PPP2R2B: variants seen among roughly 807,000 people sequenced by gnomAD.
PPP2R2B encodes protein phosphatase 2 regulatory subunit Bbeta.
Under a neutral mutation model 46.0 loss-of-function variants are expected in PPP2R2B, and 5 were observed. The ratio of observed to expected loss-of-function variants is 0.11; its 90% CI spans 0.06 to 0.23. The LOEUF is 0.23. PPP2R2B is among the 10% of genes least tolerant of loss of function. The pLI is 1.00. For synonymous variants in PPP2R2B, 215 were observed against 206.7 expected (o/e 1.04, Z -0.34); for missense variants, 367 against 575.0 (o/e 0.64, Z 3.70).
intron 2 of PPP2R2B, among the ~76,000 whole-genome samples, chr5:146,826,736 C>T (rs1328038107): frequency 6.6e-6 from 1 of 151,978 alleles, no homozygotes; most frequent in African/African-American, 2.4e-5. Flanking sequence ...CATTTAAATC[C>T]TCCCCATTCT....
chr5:146,862,006 TAA>T (rs1406017893), intron 2 of PPP2R2B, among the ~76,000 whole-genome samples: 1 of 152,196 alleles, frequency 6.6e-6, no homozygotes, highest in Non-Finnish European at 1.5e-5. Context: ...GCTGAATGGT[TAA>T]AGAGTGAAAG....
chr5:146,839,154 G>A (rs996451775), intron 2 of PPP2R2B, among the ~76,000 whole-genome samples: 2 of 152,158 alleles, frequency 1.3e-5, no homozygotes, highest in Non-Finnish European at 2.9e-5. Context: ...TCGATCTTGT[G>A]GGGGAGGCAG....
At chr5:146,685,881 C>G (rs1226270396) in intron 5 of PPP2R2B, among the ~76,000 whole-genome samples, 1 of 152,152 alleles carries the variant, frequency 6.6e-6, no homozygotes, top group African/African-American at 2.4e-5. Context: ...AGCCCTCACC[C>G]CCCGCCTTCC....
At chr5:146,876,103 T>C (rs1020339128) in intron 2 of PPP2R2B, among the ~76,000 whole-genome samples, 1 of 152,244 alleles carries the variant, frequency 6.6e-6, no homozygotes, top group Non-Finnish European at 1.5e-5. Context: ...TATGTGTGTG[T>C]GTTTGAGAAA....
At chr5:146,989,017 TCATGGA>T in intron 1 of PPP2R2B, among the ~76,000 whole-genome samples, 1 of 151,888 alleles carries the variant, frequency 6.6e-6, no homozygotes, top group Non-Finnish European at 1.5e-5. Context: ...AGTAATAAAT[TCATGGA>T]CATGTACAAC....
At chr5:146,998,956 G>A (rs971554589) in intron 1 of PPP2R2B, among the ~76,000 whole-genome samples, 1 of 139,058 alleles carries the variant, frequency 7.2e-6, no homozygotes, top group African/African-American at 2.7e-5. Context: ...GGAGCTTGCA[G>A]TGAGCAGAGA....
intron 2 of PPP2R2B, among the ~76,000 whole-genome samples, chr5:146,754,120 C>T (rs1753710775): frequency 6.6e-6 from 1 of 152,154 alleles, no homozygotes; most frequent in Non-Finnish European, 1.5e-5. Flanking sequence ...GCCCCCGCCA[C>T]GTGTCAGATG....
At chr5:146,605,609 G>A (rs1158103826) in intron 7 of PPP2R2B, among the ~76,000 whole-genome samples, 1 of 152,162 alleles carries the variant, frequency 6.6e-6, no homozygotes, top group Non-Finnish European at 1.5e-5. Flanking sequence ...GATCTGCCCT[G>A]CTGACTCCAT....
At position 146,583,126 on chromosome 5, in the gene PPP2R2B, A is replaced by G. The variant is rs1769981794; in HGVS notation, c.*6821T>C. On this transcript the variant is annotated 3_prime_UTR_variant, in exon 10 of 10. Transcript: ENST00000394411. ...TCCACTGTCCTATCCTGATGTCTGGAATATGCTTTTCCTTTCTCTTCTCCT... is the reference window on the plus strand; with the variant it reads ...TCCACTGTCCTATCCTGATGTCTGGGATATGCTTTTCCTTTCTCTTCTCCT... The G allele has an allele frequency of 6.6e-6, 1 of 152,074 alleles. No homozygotes were observed. 9.4% of individuals were successfully genotyped at this position (152,074 alleles called of 1,614,324 possible). A position where few individuals can be genotyped will look rare whatever the true frequency, so the allele number is the denominator to read the frequency against.
At chr5:146,868,350 A>T (rs1761428193) in intron 2 of PPP2R2B, among the ~76,000 whole-genome samples, 1 of 152,238 alleles carries the variant, frequency 6.6e-6, no homozygotes, top group Non-Finnish European at 1.5e-5. Flanking sequence ...TGACCCAGGA[A>T]GTACAGCCAG....
rs749548005 is a variant in PPP2R2B at position 146,667,323 on chromosome 5, C to CGT, written c.448-16601_448-16600dup. ...TCCAAGGAGAGACAGCAGGAATAGGCGTGCGCGCGCACACACACACACACA... is the reference window on the plus strand; with the variant it reads ...TCCAAGGAGAGACAGCAGGAATAGGCGTGTGCGCGCGCACACACACACACACA... On this transcript the variant is annotated intron_variant, in intron 5 of 9. Transcript: ENST00000394411. Among the ~76,000 whole-genome samples, 385 of 59,094 alleles carry CGT rather than the reference C, an allele frequency of 6.5e-3. 1 individual carries two copies. The highest frequency in any genetic ancestry group is 0.013 in the Middle Eastern group (2 of 150). The allele number at this position is 59,094 out of a possible 152,430, so 38.8% of individuals were successfully genotyped here. A position where few individuals can be genotyped will look rare whatever the true frequency, so the allele number is the denominator to read the frequency against.
At chr5:147,078,725 G>A (rs958987986) in intron 2 of PPP2R2B, among the ~76,000 whole-genome samples, 4 of 151,250 alleles carry the variant, frequency 2.6e-5, no homozygotes, top group African/African-American at 7.3e-5. Context: ...GGAGAATGGC[G>A]TGAACCCAGG....
At chr5:146,877,925 C>T (rs943481391) in intron 2 of PPP2R2B, 77 bp downstream of exon 2, 7 of 1,517,282 alleles carry the variant, frequency 4.6e-6, no homozygotes, top group Non-Finnish European at 6.3e-6. Context: ...CCACTACGCG[C>T]CCAGCTGCCC....
chr5:146,733,094 A>C (rs1271436643), intron 2 of PPP2R2B, among the ~76,000 whole-genome samples: 1 of 152,214 alleles, frequency 6.6e-6, no homozygotes, highest in Non-Finnish European at 1.5e-5. Context: ...TTGGACTTCT[A>C]GGTCACCATG....
chr5:146,888,632 T>G (rs1340257102), intron 1 of PPP2R2B, among the ~76,000 whole-genome samples: 1 of 152,148 alleles, frequency 6.6e-6, no homozygotes, highest in African/African-American at 2.4e-5. Flanking sequence ...GACTAAAACT[T>G]TCTTAAAATG....
intron 1 of PPP2R2B, among the ~76,000 whole-genome samples, chr5:147,002,760 T>A (rs569255191): frequency 6.7e-6 from 1 of 148,700 alleles, no homozygotes; most frequent in Non-Finnish European, 1.5e-5. Flanking sequence ...GGGCAAGAGA[T>A]GTTTCTGCTG....
intron 2 of PPP2R2B, among the ~76,000 whole-genome samples, chr5:146,772,060 A>G (rs937002635): frequency 1.3e-5 from 2 of 152,128 alleles, no homozygotes; most frequent in African/African-American, 2.4e-5. Flanking sequence ...ATTGGAAACA[A>G]CCTGAATTAC....
chr5:146,903,994 G>A lies in PPP2R2B; in HGVS notation c.79+151671C>T, dbSNP rs60279771. Among the ~76,000 whole-genome samples, 332 of 152,136 alleles carry A rather than the reference G, an allele frequency of 2.2e-3. 1 individual carries two copies. Among genetic ancestry groups the A allele is most frequent in the African/African-American group, 7.6e-3 (315 of 41,500 alleles). ...TATTGTCATCTTCTAAACATGCTCC[G>A]GGGTTTCCTGGCTCAGAGTAATTAG... On this transcript the variant is annotated intron_variant, in intron 1 of 8. Transcript: ENST00000336640.
chr5:147,010,167 AC>A (rs577202915), intron 1 of PPP2R2B, among the ~76,000 whole-genome samples: 14 of 152,098 alleles, frequency 9.2e-5, no homozygotes, highest in Non-Finnish European at 1.9e-4. Flanking sequence ...ACAAACACAA[AC>A]CCAGCAATAC....
Sources: gnomAD v4.1 joint callset for allele counts (sites outside exome capture counted in the v4.1 genomes callset) on GRCh38, gnomAD v4.1.1 for gene constraint, MANE v1.5 for transcripts, NCBI Gene and HGNC (gene_info 2026-07-23, HGNC 2026-07-21) for gene names.